The following HLF variants were observed in gnomAD, a reference collection of about 807,000 sequenced individuals.
HLF encodes hepatic leukemia factor.
In HLF, 3 loss-of-function variants were observed where a neutral mutation model predicts 22.6. The observed-to-expected ratio is 0.13, with a 90% CI of 0.06 to 0.34. The LOEUF is 0.34. HLF is among the 10% of genes least tolerant of loss of function. The pLI, the probability that HLF is intolerant of heterozygous loss-of-function variation, is 1.00. For missense variants in HLF, 299 were observed against 389.2 expected (o/e 0.77, Z 1.95); for synonymous variants, 151 against 151.8 (o/e 0.99, Z 0.04).
chr17:55,285,855 GATAGGACCTTTAGAAAATGTTTT>G (rs1055821024), intron 2 of HLF, among the ~76,000 whole-genome samples: 3 of 152,238 alleles, frequency 2.0e-5, no homozygotes, highest in African/African-American at 7.2e-5. Context: ...AGTGTCGAGA[GATAGGACCTTTAGAAAATGTTTT>G]ACTTTTGCGC....
chr17:55,285,453 CTTGCAT>C (rs923268262), intron 2 of HLF, among the ~76,000 whole-genome samples: 4 of 152,236 alleles, frequency 2.6e-5, no homozygotes, highest in Non-Finnish European at 5.9e-5. Flanking sequence ...TGTGTTCTCA[CTTGCAT>C]TTGCCAGGCC....
intron 2 of HLF, among the ~76,000 whole-genome samples, chr17:55,276,980 T>C (rs1375874675): frequency 6.6e-6 from 1 of 152,308 alleles, no homozygotes; most frequent in East Asian, 1.9e-4. Context: ...CTAGAGAAAG[T>C]AATTCAAAAA....
chr17:55,280,803 G>C (rs961474676), intron 2 of HLF, among the ~76,000 whole-genome samples: 1 of 152,192 alleles, frequency 6.6e-6, no homozygotes, highest in Non-Finnish European at 1.5e-5. Context: ...AGAGGGAAAC[G>C]TGGCAGAGAG....
intron 2 of HLF, among the ~76,000 whole-genome samples, chr17:55,307,423 C>T (rs2145359424): frequency 6.6e-6 from 1 of 152,056 alleles, no homozygotes; most frequent in Non-Finnish European, 1.5e-5. Flanking sequence ...CCTGCCTTGG[C>T]CTCCCAAAGT....
rs1179478869 is a variant in HLF, at chr17:55,322,055, G to A, written c.*1176G>A. ...AGTTAATAAGTTGATGTTTTCTAAG[G>A]CCCTTTTTCCTAGTGGTGTCATTTT... is the stretch of plus-strand genomic sequence containing the variant. On this transcript the variant is annotated 3_prime_UTR_variant, in exon 4 of 4. Coordinates refer to ENST00000226067, the MANE Select transcript of HLF (RefSeq NM_002126.5). The A allele has an allele frequency of 1.4e-5, 3 of 212,524 alleles. No individual in the cohort carries two copies. Among genetic ancestry groups the A allele is most frequent in the Non-Finnish European group, 2.9e-5 (3 of 104,932 alleles). 13.2% of individuals were successfully genotyped at this position (212,524 alleles called of 1,614,324 possible). A position where few individuals can be genotyped will look rare whatever the true frequency, so the allele number is the denominator to read the frequency against.
At chr17:55,274,708 G>A (rs887973384) in intron 2 of HLF, among the ~76,000 whole-genome samples, 1 of 152,140 alleles carries the variant, frequency 6.6e-6, no homozygotes, top group African/African-American at 2.4e-5. Context: ...TTTCTCATCC[G>A]GAACTTTGGA....
intron 2 of HLF, among the ~76,000 whole-genome samples, chr17:55,293,707 TGGAACATGAAGC>T (rs1281054799): frequency 6.6e-6 from 1 of 152,162 alleles, no homozygotes; most frequent in African/African-American, 2.4e-5. Context: ...GTGGCAGGGC[TGGAACATGAAGC>T]CACAGTCTGG....
rs375394218 is a variant in HLF, at chr17:55,320,636, C to A, written c.673-28C>A. On this transcript the variant is annotated intron_variant, in intron 3 of 3. Coordinates refer to ENST00000226067, the MANE Select transcript of HLF (RefSeq NM_002126.5). The surrounding 1 kb of genome is among the most constrained non-coding windows in gnomAD (Gnocchi z 4.2). ...TTTGCTGAAATCTAATATCTTGTTTCTTTTTCCCTTCTGTAACTAATGAGC... is the reference window on the plus strand; with the variant it reads ...TTTGCTGAAATCTAATATCTTGTTTATTTTTCCCTTCTGTAACTAATGAGC... 1.2e-6 allele frequency: 2 copies of A among 1,605,762 alleles called. No homozygotes were observed. The highest frequency in any genetic ancestry group is 1.3e-5 in the African/African-American group (1 of 74,700).
chr17:55,318,367 G>A (rs1278949409), intron 3 of HLF, among the ~76,000 whole-genome samples: 1 of 152,152 alleles, frequency 6.6e-6, no homozygotes. Context: ...TGAAAGGTTT[G>A]TTTTGCATTC....
Position 55,265,433 on chromosome 17 carries a change from T to G in HLF, c.-52T>G, listed in dbSNP as rs2080778001. On this transcript the variant is annotated 5_prime_UTR_variant, in exon 1 of 4. Transcript: ENST00000226067. The stretch of plus-strand genomic sequence containing the variant: ...AGCTCAGCAACATTTTAGGGGGCGG[T>G]TGTTTCTTTCTTATTTCTTTTTTTA... The G allele has an allele frequency of 8.4e-6, 9 of 1,071,382 alleles. No homozygotes were observed. Among genetic ancestry groups the G allele is most frequent in the Non-Finnish European group, 1.2e-5 (9 of 743,780 alleles). The allele number at this position is 1,071,382 out of a possible 1,614,324, so 66.4% of individuals were successfully genotyped here.
chr17:55,318,313 G>C (rs941400178), intron 3 of HLF, among the ~76,000 whole-genome samples: 1 of 152,148 alleles, frequency 6.6e-6, no homozygotes, highest in Admixed American at 6.5e-5. Flanking sequence ...CCTGCCTTCT[G>C]TATCCTCTTC....
intron 2 of HLF, among the ~76,000 whole-genome samples, chr17:55,311,233 G>A (rs1417432850): frequency 1.3e-5 from 2 of 152,086 alleles, no homozygotes; most frequent in South Asian, 2.1e-4. Context: ...AGTAACAAGG[G>A]AAATGGAAAT....
At chr17:55,283,086 C>T (rs367663266) in intron 2 of HLF, among the ~76,000 whole-genome samples, 2 of 151,184 alleles carry the variant, frequency 1.3e-5, no homozygotes, top group African/African-American at 2.4e-5. Flanking sequence ...TCTTAGTGGT[C>T]GTTTACTAGC....
Position 55,268,224 on chromosome 17 carries a change from C to T in HLF, c.451+138C>T, listed in dbSNP as rs148654703. 75 of 589,044 alleles carry T rather than the reference C, an allele frequency of 1.3e-4. No individual in the cohort carries two copies. In the East Asian group the frequency reaches 2.2e-3, roughly 17 times the overall value. 36.5% of individuals were successfully genotyped at this position (589,044 alleles called of 1,614,324 possible). On this transcript the variant is annotated intron_variant, in intron 2 of 3. Coordinates refer to ENST00000226067, the MANE Select transcript of HLF (RefSeq NM_002126.5). ...AGAGGTACCTTCTTCTGCTCCACTC[C>T]TGGCAGAGGCTCTCCCACTTTAATG...
intron 2 of HLF, chr17:55,289,011 T>C (rs531756396): frequency 2.6e-5 from 22 of 860,062 alleles, no homozygotes; most frequent in Middle Eastern, 5.9e-4. Flanking sequence ...ATGTTGGGTG[T>C]GGGGAAGGGA....
chr17:55,311,941 A>G (rs1904848093), intron 2 of HLF, among the ~76,000 whole-genome samples: 1 of 152,192 alleles, frequency 6.6e-6, no homozygotes, highest in Non-Finnish European at 1.5e-5. Context: ...TTTCTGTGTT[A>G]ATTCATTTAG....
At chr17:55,304,677 A>G (rs2145354990) in intron 2 of HLF, among the ~76,000 whole-genome samples, 1 of 152,306 alleles carries the variant, frequency 6.6e-6, no homozygotes, top group South Asian at 2.1e-4. Flanking sequence ...GGTGACATCT[A>G]ACAGGCTTTG....
chr17:55,318,881 A>T (rs2145377170), intron 3 of HLF: 1 of 152,400 alleles, frequency 6.6e-6, no homozygotes, highest in East Asian at 1.9e-4. Flanking sequence ...CACCACCATG[A>T]CGTCATTGAC....
At chr17:55,293,243 T>C (rs1485358681) in intron 2 of HLF, among the ~76,000 whole-genome samples, 2 of 127,198 alleles carry the variant, frequency 1.6e-5, no homozygotes, top group East Asian at 7.0e-4. Context: ...TATATTAATA[T>C]ATACATTTTT....
Sources: gnomAD v4.1 joint callset for allele counts (sites outside exome capture counted in the v4.1 genomes callset) on GRCh38, gnomAD v4.1.1 for gene constraint, Gnocchi (gnomAD v3.1) non-coding constraint, MANE v1.5 for transcripts, NCBI Gene and HGNC (gene_info 2026-07-23, HGNC 2026-07-21) for gene names.